SLC12A6: variants seen among roughly 807,000 people sequenced by gnomAD.
SLC12A6 encodes the protein solute carrier family 12 member 6.
Under a neutral mutation model 135.3 loss-of-function variants are expected in SLC12A6, and 66 were observed. The ratio of observed to expected loss-of-function variants is 0.49; its 90% CI spans 0.40 to 0.60. The LOEUF (loss-of-function observed/expected upper bound fraction) is 0.60, where lower values mean the gene tolerates loss of function less well. Among genes scored for constraint, SLC12A6 ranks in the 20% least tolerant of loss-of-function variants. The pLI is 0.00. For synonymous variants in SLC12A6, 513 were observed against 508.8 expected (o/e 1.01, Z -0.11); for missense variants, 1,058 against 1,452.3 (o/e 0.73, Z 4.41).
chr15:34,294,938 A>C (rs1015156328), intron 2 of SLC12A6, among the ~76,000 whole-genome samples: 5 of 152,200 alleles, frequency 3.3e-5, no homozygotes, highest in African/African-American at 4.8e-5. Flanking sequence ...ATATTACATC[A>C]ATTTGTGTAA....
intron 2 of SLC12A6, among the ~76,000 whole-genome samples, chr15:34,312,489 A>G (rs1255728500): frequency 6.6e-6 from 1 of 152,234 alleles, no homozygotes; most frequent in African/African-American, 2.4e-5. Flanking sequence ...GAGAGAATCA[A>G]GTAAACAGAT....
At chr15:34,273,797 T>C (rs1370499486) in intron 3 of SLC12A6, among the ~76,000 whole-genome samples, 6 of 152,070 alleles carry the variant, frequency 3.9e-5, no homozygotes, top group Non-Finnish European at 5.9e-5. Flanking sequence ...TAACCTCACT[T>C]ACACTGAAGG....
At chr15:34,239,285 A>G in intron 19 of SLC12A6, 125 bp from the exon 20 acceptor site, 5 of 738,580 alleles carry the variant, frequency 6.8e-6, no homozygotes, top group Non-Finnish European at 1.2e-5. Flanking sequence ...TCATCTACAG[A>G]AAAGTCCAAA....
chr15:34,298,984 T>C (rs377165279), intron 2 of SLC12A6, among the ~76,000 whole-genome samples: 3 of 152,324 alleles, frequency 2.0e-5, no homozygotes, highest in African/African-American at 7.2e-5. Flanking sequence ...AATAAATACT[T>C]TGAAAGCTTT....
intron 2 of SLC12A6, among the ~76,000 whole-genome samples, chr15:34,283,733 C>T (rs1457742065): frequency 3.3e-5 from 5 of 151,346 alleles, no homozygotes; most frequent in Non-Finnish European, 4.4e-5. Flanking sequence ...CTGAAAATGA[C>T]GTAAAACGAC....
At chr15:34,272,369 A>C (rs1257156908) in intron 3 of SLC12A6, among the ~76,000 whole-genome samples, 2 of 152,224 alleles carry the variant, frequency 1.3e-5, no homozygotes, top group Non-Finnish European at 2.9e-5. Context: ...TTGCAAACTC[A>C]TGAATTTCTT....
In SLC12A6 at chr15:34,240,273, T is replaced by C. The variant is rs1008526999; in HGVS notation, c.2436+388A>G. On this transcript the variant is annotated intron_variant, in intron 19 of 25. Coordinates refer to ENST00000354181, the MANE Select transcript of SLC12A6 (RefSeq NM_001365088.1). ...AGTGGCAAAGGAATCTTGCTCATGA[T>C]ACCACGTAGATTAGTAAAGAGGAAG... 2.6e-5 allele frequency among the ~76,000 whole-genome samples: 4 copies of C among 152,314 alleles called. 1 individual carries two copies. The South Asian group carries it at 8.3e-4, about 32-fold the overall frequency.
Position 34,336,493 on chromosome 15 carries a change from A to G in SLC12A6, c.188T>C (p.Met63Thr). 2 of 1,613,704 alleles carry G rather than the reference A, an allele frequency of 1.2e-6. No individual in the cohort carries two copies. Among genetic ancestry groups the G allele is most frequent in the Non-Finnish European group, 1.7e-6 (2 of 1,179,678 alleles). ...ETSRSEPMSEMSGATTSLATV... is the reference protein window; with the variant it reads ...ETSRSEPMSETSGATTSLATV... ...TGCCAGCGAAGTGGTGGCCCCAGAC[A>G]TCTCACTCATAGGCTCACTCCGGCT... Residue 63 changes from methionine to threonine, a missense_variant, in exon 2 of 26, where the codon ATG (methionine) becomes ACG (threonine). Physicochemically the swap from Met to Thr is moderately conservative, Grantham distance 81 (BLOSUM62 -1). This residue lies in a region of SLC12A6 where 176 missense variants were observed against 168.9 expected (regional missense o/e 1.04). Coordinates refer to ENST00000354181, the MANE Select transcript of SLC12A6 (RefSeq NM_001365088.1).
At chr15:34,287,146 C>A (rs193234763) in intron 2 of SLC12A6, among the ~76,000 whole-genome samples, 150 of 152,186 alleles carry the variant, frequency 9.9e-4, no homozygotes, top group Admixed American at 2.5e-3. Context: ...TTCCCTACCC[C>A]CCCGGGCTCT....
chr15:34,270,488 C>T (rs531692481), intron 3 of SLC12A6, among the ~76,000 whole-genome samples: 31 of 152,148 alleles, frequency 2.0e-4, no homozygotes, highest in African/African-American at 7.0e-4. Flanking sequence ...AAGAAATACC[C>T]AAGACTGGGT....
At chr15:34,299,161 G>C (rs1452192817) in intron 2 of SLC12A6, among the ~76,000 whole-genome samples, 21 of 150,324 alleles carry the variant, frequency 1.4e-4, no homozygotes, top group Admixed American at 1.4e-3. Context: ...TCTCAGGCTG[G>C]GGGATGATGG....
In SLC12A6 at chr15:34,258,930, G is replaced by A. The variant is rs771590806; in HGVS notation, c.426C>T (p.Thr142=). 5 of 1,610,706 alleles carry A rather than the reference G, an allele frequency of 3.1e-6. No homozygotes were observed. Among genetic ancestry groups the A allele is most frequent in the Non-Finnish European group, 4.2e-6 (5 of 1,176,904 alleles). ...NLALFEEEMD[T]RPKVSSLLNR... ...TGAGGAGGGAAGACACCTTCGGTCTGGTGTCCATTTCTTCCTATAAAGCCA... is the reference window on the plus strand; with the variant it reads ...TGAGGAGGGAAGACACCTTCGGTCTAGTGTCCATTTCTTCCTATAAAGCCA... Residue 142 remains threonine, a synonymous_variant, in exon 5 of 26, where the codon ACC becomes ACT. Coordinates refer to ENST00000354181, the MANE Select transcript of SLC12A6 (RefSeq NM_001365088.1).
At chr15:34,238,097 G>A (rs1242875951) in intron 21 of SLC12A6, 135 bp downstream of exon 21, 3 of 709,070 alleles carry the variant, frequency 4.2e-6, no homozygotes, top group Non-Finnish European at 7.6e-6. Context: ...GGGATCATGG[G>A]AAAGCCTAGA....
At chr15:34,289,184 T>C (rs1213135754) in intron 2 of SLC12A6, among the ~76,000 whole-genome samples, 1 of 152,212 alleles carries the variant, frequency 6.6e-6, no homozygotes, top group Non-Finnish European at 1.5e-5. Context: ...ATTCAGAGTT[T>C]TTACCATGAA....
intron 3 of SLC12A6, among the ~76,000 whole-genome samples, chr15:34,271,470 A>G (rs1229094964): frequency 6.6e-6 from 1 of 151,424 alleles, no homozygotes; most frequent in African/African-American, 2.4e-5. Flanking sequence ...TTGGTTTTCT[A>G]TTCCTTATGA....
At position 34,240,651 on chromosome 15, in the gene SLC12A6, T is replaced by C. The variant is rs1323674914; in HGVS notation, c.2436+10A>G. 2 of 1,612,360 alleles carry C rather than the reference T, an allele frequency of 1.2e-6. No homozygotes were observed. The highest frequency in any genetic ancestry group is 2.2e-5 in the East Asian group (1 of 44,868). ...ACTGAGTTCCAATACCTCAAAAGCC[T>C]GACTCTTACCTGCTCAGCAGCTAAA... is the stretch of plus-strand genomic sequence containing the variant. On this transcript the variant is annotated intron_variant, in intron 19 of 25. Transcript: ENST00000354181.
intron 2 of SLC12A6, among the ~76,000 whole-genome samples, chr15:34,281,523 C>T (rs1478100013): frequency 6.6e-6 from 1 of 152,092 alleles, no homozygotes. Flanking sequence ...GGTGCAGTGG[C>T]TCACGCCTGT....
At chr15:34,283,993 C>T (rs1033122466) in intron 2 of SLC12A6, among the ~76,000 whole-genome samples, 3 of 152,136 alleles carry the variant, frequency 2.0e-5, no homozygotes, top group East Asian at 3.9e-4. Flanking sequence ...GGGGCTCAGG[C>T]GATTCTCCTG....
rs147720894 is a variant in SLC12A6, at chr15:34,268,347, GA to G, written c.316+6997del. Among the ~76,000 whole-genome samples, 92 of 152,230 alleles carry G rather than the reference GA, an allele frequency of 6.0e-4. No homozygotes were observed. The East Asian group carries it at 0.017, about 27-fold the overall frequency. ...CTGGAGATTTTTGTCTACATTTTAT[GA>G]GACCAATGATGCCTCCAACCAATAA... On this transcript the variant is annotated intron_variant, in intron 3 of 25. Transcript: ENST00000354181.
Sources: gnomAD v4.1 joint callset for allele counts (sites outside exome capture counted in the v4.1 genomes callset) on GRCh38, gnomAD v4.1.1 for gene constraint, gnomAD v4.1.1 regional missense constraint, MANE v1.5 for transcripts, NCBI Gene and HGNC (gene_info 2026-07-23, HGNC 2026-07-21) for gene names.